The following DNAJB1 variants were observed in gnomAD, a reference collection of about 807,000 sequenced individuals.
The protein encoded by DNAJB1 is dnaJ homolog subfamily B member 1.
DNAJB1 carries 14 observed loss-of-function variants against 24.0 expected under a neutral mutation model. That is an observed-to-expected ratio of 0.58 (90% CI 0.39 to 0.91). The LOEUF (loss-of-function observed/expected upper bound fraction) is 0.91, where lower values mean the gene tolerates loss of function less well. Among genes scored for constraint, DNAJB1 ranks in the 40% least tolerant of loss-of-function variants. The pLI is 0.00. For synonymous variants in DNAJB1, 262 were observed against 174.4 expected, an observed-to-expected ratio of 1.50 and a Z score of -3.96; for missense variants, 517 against 458.1, an observed-to-expected ratio of 1.13 and a Z score of -1.17.
At chr19:14,550,386 T>A (rs1285233316), upstream of DNAJB1, among the ~76,000 whole-genome samples, 1 of 152,108 alleles carries the variant, frequency 6.6e-6, no homozygotes, top group East Asian at 1.9e-4. Flanking sequence ...GACTAACCTG[T>A]CTGCTGGACT....
chr19:14,537,096 G>A (rs1345334885), intron 1 of DNAJB1, among the ~76,000 whole-genome samples: 1 of 146,812 alleles, frequency 6.8e-6, no homozygotes, highest in Non-Finnish European at 1.5e-5. Flanking sequence ...CTGAGGAGGA[G>A]GAGGGGGCAG....
chr19:14,550,784 G>A (rs576420369), upstream of DNAJB1, among the ~76,000 whole-genome samples: 4 of 151,914 alleles, frequency 2.6e-5, no homozygotes, highest in East Asian at 3.9e-4. Context: ...GGGTTCATGC[G>A]ATTCTCCTGT....
At chr19:14,521,900 G>T (rs2146529252), upstream of DNAJB1, among the ~76,000 whole-genome samples, 1 of 152,256 alleles carries the variant, frequency 6.6e-6, no homozygotes, top group East Asian at 1.9e-4. Flanking sequence ...GGGATTACAG[G>T]CGTGAGCCAC....
intron 1 of DNAJB1, chr19:14,517,815 C>T: frequency 3.9e-6 from 1 of 256,712 alleles, no homozygotes; most frequent in African/African-American, 2.2e-5. Flanking sequence ...CAGCGGGCTC[C>T]GCCGCGCCGT....
At chr19:14,544,126 G>A (rs537925553) in intron 1 of DNAJB1, among the ~76,000 whole-genome samples, 1 of 152,114 alleles carries the variant, frequency 6.6e-6, no homozygotes, top group African/African-American at 2.4e-5. Flanking sequence ...TACTGGTGTG[G>A]GGATGGTTTC....
chr19:14,526,031 C>T (rs1208317116), intron 2 of DNAJB1, among the ~76,000 whole-genome samples: 4 of 152,116 alleles, frequency 2.6e-5, no homozygotes, highest in Admixed American at 2.6e-4. Context: ...ACCTGATCTG[C>T]CCATGGGAAA....
At chr19:14,533,728 T>G (rs2072758849), upstream of DNAJB1, among the ~76,000 whole-genome samples, 1 of 152,166 alleles carries the variant, frequency 6.6e-6, no homozygotes, top group South Asian at 2.1e-4. Flanking sequence ...GGAAAAGTTT[T>G]CCACTCTGTG....
At chr19:14,547,214 A>G (rs2073338037) in intron 1 of DNAJB1, among the ~76,000 whole-genome samples, 1 of 152,222 alleles carries the variant, frequency 6.6e-6, no homozygotes, top group Admixed American at 6.5e-5. Flanking sequence ...CTCTAGATAG[A>G]TTTAACAGAG....
chr19:14,516,348 T>C, intron 2 of DNAJB1, 118 bp downstream of exon 2: 1 of 1,301,350 alleles, frequency 7.7e-7, no homozygotes, highest in Non-Finnish European at 1.1e-6. Flanking sequence ...TCCTGTTCAC[T>C]GTTGTGCCCC....
chr19:14,532,376 T>C (rs1255464869), upstream of DNAJB1: 1 of 151,846 alleles, frequency 6.6e-6, no homozygotes, highest in Non-Finnish European at 1.5e-5. Flanking sequence ...AGAAACCTTG[T>C]CTCTACTAAA....
upstream of DNAJB1, among the ~76,000 whole-genome samples, chr19:14,520,689 A>G (rs939588774): frequency 3.3e-5 from 5 of 152,128 alleles, no homozygotes; most frequent in Non-Finnish European, 7.4e-5. Context: ...AGAACTTGAT[A>G]TTTTTTAAAA....
chr19:14,545,510 G>GT (rs1258750497), intron 1 of DNAJB1, among the ~76,000 whole-genome samples: 10 of 152,130 alleles, frequency 6.6e-5, no homozygotes, highest in Non-Finnish European at 1.3e-4. Flanking sequence ...AGCCTAGGGG[G>GT]TGGGGGGGAT....
chr19:14,522,773 T>C (rs1291131300), upstream of DNAJB1, among the ~76,000 whole-genome samples: 3 of 151,040 alleles, frequency 2.0e-5, no homozygotes, highest in East Asian at 3.9e-4. Flanking sequence ...AAATCCTGAC[T>C]GATACAGGAA....
Position 14,558,132 on chromosome 19 carries a change from C to T in DNAJB1, c.-2166+1899G>A, listed in dbSNP as rs1599485106. 4.6e-5 allele frequency among the ~76,000 whole-genome samples: 7 copies of T among 152,230 alleles called. 1 individual carries two copies. In the South Asian group the frequency reaches 1.5e-3, roughly 32 times the overall value. ...CTGTCAGATGGCAGCTGGGGACAGC[C>T]CACTTTGCCATGAGTAGATGGAAGT... is the stretch of plus-strand genomic sequence containing the variant. On this transcript the variant is annotated intron_variant, in intron 1 of 5. Coordinates refer to the DNAJB1 transcript ENST00000679223.
Position 14,528,269 on chromosome 19 carries a change from A to T in DNAJB1, c.-174-459T>A, listed in dbSNP as rs1599391449. On this transcript the variant is annotated intron_variant, in intron 1 of 3. Transcript: ENST00000396969. ...TCTTTTTTCTTTTTTTTTTTTTGAG[A>T]CGGTCTGTTGCTCAGGCTGGAGTGT... Among the ~76,000 whole-genome samples the T allele has an allele frequency of 5.3e-5, 6 of 113,746 alleles. No individual in the cohort carries two copies. In the East Asian group the frequency reaches 1.0e-3, roughly 19 times the overall value. 74.6% of individuals were successfully genotyped at this position (113,746 alleles called of 152,430 possible).
chr19:14,536,031 G>A (rs2072885596), intron 1 of DNAJB1, among the ~76,000 whole-genome samples: 1 of 152,044 alleles, frequency 6.6e-6, no homozygotes. Flanking sequence ...CCAGGCTTGA[G>A]ATAATTTTTC....
chr19:14,535,606 T>G (rs1356064787), intron 1 of DNAJB1, among the ~76,000 whole-genome samples: 2 of 100,448 alleles, frequency 2.0e-5, no homozygotes, highest in Non-Finnish European at 3.7e-5. Context: ...ATATATAAAT[T>G]AGCCAGGCAT....
At chr19:14,523,553 C>A (rs926074612) in intron 2 of DNAJB1, among the ~76,000 whole-genome samples, 4 of 151,426 alleles carry the variant, frequency 2.6e-5, no homozygotes. Context: ...ATCTCATGAT[C>A]CACCCACCTT....
rs1389305440 is a variant in DNAJB1, at chr19:14,515,416, GA to G, written c.*523del. 6.5e-6 allele frequency: 1 copy of G among 154,068 alleles called. No homozygotes were observed. Among genetic ancestry groups the G allele is most frequent in the Non-Finnish European group, 1.5e-5 (1 of 68,860 alleles). The allele number at this position is 154,068 out of a possible 1,614,324, so 9.5% of individuals were successfully genotyped here. A position where few individuals can be genotyped will look rare whatever the true frequency, so the allele number is the denominator to read the frequency against. ...GGACGCCAACCAGGCAGTTCTGCAGGAATAGTTTAGGTTCTCAATTTGAGAT... is the reference window on the plus strand; with the variant it reads ...GGACGCCAACCAGGCAGTTCTGCAGGATAGTTTAGGTTCTCAATTTGAGAT... On this transcript the variant is annotated 3_prime_UTR_variant, in exon 3 of 3. Transcript: ENST00000254322.
Sources: gnomAD v4.1 joint callset for allele counts (sites outside exome capture counted in the v4.1 genomes callset) on GRCh38, gnomAD v4.1.1 for gene constraint, MANE v1.5 for transcripts, NCBI Gene and HGNC (gene_info 2026-07-23, HGNC 2026-07-21) for gene names.